BANP: variants seen among roughly 807,000 people sequenced by gnomAD.
The protein encoded by BANP is protein BANP.
Under a neutral mutation model 68.1 loss-of-function variants are expected in BANP, and 11 were observed. The observed-to-expected ratio is 0.16, with a 90% CI of 0.10 to 0.27. The LOEUF is 0.27. BANP is among the 10% of genes least tolerant of loss of function. The pLI is 1.00. For missense variants in BANP, 504 were observed against 722.7 expected (o/e 0.70, Z 3.47); for synonymous variants, 329 against 303.2 (o/e 1.09, Z -0.88).
chr16:88,023,598 G>A (rs1369675726), intron 7 of BANP, among the ~76,000 whole-genome samples: 3 of 152,174 alleles, frequency 2.0e-5, no homozygotes, highest in African/African-American at 7.2e-5. Context: ...TCATTCCTTT[G>A]TGACTGATAA....
intron 12 of BANP, among the ~76,000 whole-genome samples, chr16:88,066,691 T>C (rs2088708912): frequency 6.6e-6 from 1 of 152,246 alleles, no homozygotes; most frequent in African/African-American, 2.4e-5. Context: ...TTTCTGTTGA[T>C]AGATTCTTGA....
intron 4 of BANP, among the ~76,000 whole-genome samples, chr16:87,993,423 G>C (rs1224010249): frequency 9.2e-5 from 14 of 152,140 alleles, no homozygotes; most frequent in Admixed American, 9.2e-4. Context: ...GTTTCCATCA[G>C]TGTGTGCTCA....
upstream of BANP, chr16:87,951,380 C>T (rs931102005): frequency 7.3e-5 from 11 of 151,346 alleles, no homozygotes; most frequent in African/African-American, 2.7e-4. Flanking sequence ...CCCAGTGAGC[C>T]TGCGCGGAGG....
At chr16:88,035,252 C>T (rs765431036) in intron 9 of BANP, 71 bp from the exon 10 acceptor site, 52 of 1,320,104 alleles carry the variant, frequency 3.9e-5, no homozygotes, top group South Asian at 7.6e-5. Flanking sequence ...ACAAACATTC[C>T]GGAAGATGTT....
At chr16:88,038,487 C>G (rs1434928068) in intron 11 of BANP, among the ~76,000 whole-genome samples, 1 of 151,930 alleles carries the variant, frequency 6.6e-6, no homozygotes, top group Non-Finnish European at 1.5e-5. Context: ...ACCCCACCCC[C>G]TTCAGATGGT....
At chr16:88,048,117 A>C (rs922136933) in intron 11 of BANP, among the ~76,000 whole-genome samples, 5 of 152,198 alleles carry the variant, frequency 3.3e-5, no homozygotes, top group Non-Finnish European at 5.9e-5. Context: ...CCAGTTTTTC[A>C]ATTTGGACAC....
intron 11 of BANP, among the ~76,000 whole-genome samples, chr16:88,063,103 A>T (rs1440213097): frequency 6.6e-6 from 1 of 152,266 alleles, no homozygotes. Flanking sequence ...AGGTGCCCTC[A>T]GCCTGCAGCA....
chr16:88,021,611 T>C (rs1238057122), intron 7 of BANP, among the ~76,000 whole-genome samples: 1 of 152,212 alleles, frequency 6.6e-6, no homozygotes, highest in Non-Finnish European at 1.5e-5. Context: ...CTTTACCTTT[T>C]CTTCCTGTGG....
At chr16:88,074,867 C>T (rs1293855399) in intron 13 of BANP, among the ~76,000 whole-genome samples, 1 of 152,166 alleles carries the variant, frequency 6.6e-6, no homozygotes, top group Non-Finnish European at 1.5e-5. Context: ...CTCCTCCATC[C>T]AGGGAACAGT....
At chr16:88,044,922 C>A (rs904887058) in intron 11 of BANP, among the ~76,000 whole-genome samples, 27 of 152,076 alleles carry the variant, frequency 1.8e-4, no homozygotes, top group Non-Finnish European at 3.2e-4. Flanking sequence ...GCGGAGCTTG[C>A]ATTGAGCTGA....
At position 88,072,212 on chromosome 16, in the gene BANP, G is replaced by A; in HGVS notation, c.1521G>A (p.Gln507=). 1.9e-6 allele frequency: 3 copies of A among 1,608,670 alleles called. No homozygotes were observed. Among genetic ancestry groups the A allele is most frequent in the Non-Finnish European group, 2.5e-6 (3 of 1,178,784 alleles). Residue 507 remains glutamine (Q), a splice_region_variant and synonymous_variant, in exon 13 of 14, where the codon CAG becomes CAA. Transcript: ENST00000682872. The part of the protein sequence containing the change: ...APVSDHTAGA[Q]TAEALQPTLQ... The stretch of plus-strand genomic sequence containing the variant: ...TGAGTGACCACACGGCCGGGGCACA[G>A]GTGAGTCTGGGGCCCCGCGCCGGGA...
rs2077937813 is a variant in BANP, at chr16:88,030,487, G to A, written c.1064-2622G>A. On this transcript the variant is annotated intron_variant, in intron 8 of 13. Transcript: ENST00000682872. ...AGGTTAGCGGTCTGCTTCATCCAATGGGGAATGAAAACCCAAGTTAAATGA... is the reference window on the plus strand; with the variant it reads ...AGGTTAGCGGTCTGCTTCATCCAATAGGGAATGAAAACCCAAGTTAAATGA... Among the ~76,000 whole-genome samples, 3 of 152,348 alleles carry A rather than the reference G, an allele frequency of 2.0e-5. No homozygotes were observed. In the South Asian group the frequency reaches 6.2e-4, roughly 32 times the overall value.
chr16:88,001,370 A>T (rs1435919702), intron 4 of BANP, among the ~76,000 whole-genome samples: 1 of 151,816 alleles, frequency 6.6e-6, no homozygotes, highest in Non-Finnish European at 1.5e-5. Context: ...GCGTGGCTGG[A>T]CTTACCTGTC....
intron 11 of BANP, among the ~76,000 whole-genome samples, chr16:88,060,016 C>T (rs1432755558): frequency 6.6e-6 from 1 of 152,240 alleles, no homozygotes; most frequent in East Asian, 1.9e-4. Context: ...TGGCTTGGCG[C>T]AGCTGTCTGT....
chr16:88,016,193 A>G (rs2074510998), intron 6 of BANP, among the ~76,000 whole-genome samples: 1 of 152,258 alleles, frequency 6.6e-6, no homozygotes. Context: ...GTTTAAGGTC[A>G]GCACAAGCGG....
Position 88,044,201 on chromosome 16 carries a change from G to A in BANP, c.1311+6190G>A, listed in dbSNP as rs533188354. Among the ~76,000 whole-genome samples the A allele has an allele frequency of 2.0e-5, 3 of 152,352 alleles. No individual in the cohort carries two copies. The South Asian group carries it at 6.2e-4, about 32-fold the overall frequency. ...TGCCTCTGGAGTGATGAGTGCACGC[G>A]GGCTGCATGGCTGGACTCTACCAGC... is the stretch of plus-strand genomic sequence containing the variant. On this transcript the variant is annotated intron_variant, in intron 11 of 13. Transcript: ENST00000682872.
intron 4 of BANP, among the ~76,000 whole-genome samples, chr16:87,993,105 G>A (rs1004174189): frequency 1.3e-5 from 2 of 152,236 alleles, no homozygotes; most frequent in African/African-American, 4.8e-5. Context: ...ACGGGTTTTG[G>A]GGAGGGAGGA....
Position 88,064,632 on chromosome 16 carries a change from C to A in BANP, c.1312-635C>A, listed in dbSNP as rs980087130. ...GCACTCCCCGAGGAGGCCTGGGGAC[C>A]CCTCCTGGACATGCCTTCCTCCCTT... On this transcript the variant is annotated intron_variant, in intron 11 of 13. Transcript: ENST00000682872. The surrounding 1 kb of genome is among the most constrained non-coding windows in gnomAD (Gnocchi z 4.5). Among the ~76,000 whole-genome samples, 2 of 152,206 alleles carry A rather than the reference C, an allele frequency of 1.3e-5. No individual in the cohort carries two copies. Among genetic ancestry groups the A allele is most frequent in the Non-Finnish European group, 2.9e-5 (2 of 68,032 alleles).
At chr16:88,024,016 G>C (rs1388280109) in intron 7 of BANP, among the ~76,000 whole-genome samples, 1 of 151,918 alleles carries the variant, frequency 6.6e-6, no homozygotes, top group Non-Finnish European at 1.5e-5. Context: ...AGCCTCAGCA[G>C]CCGGATGCCG....
Sources: gnomAD v4.1 joint callset for allele counts (sites outside exome capture counted in the v4.1 genomes callset) on GRCh38, gnomAD v4.1.1 for gene constraint, Gnocchi (gnomAD v3.1) non-coding constraint, MANE v1.5 for transcripts, NCBI Gene and HGNC (gene_info 2026-07-23, HGNC 2026-07-21) for gene names.